OC90: variants seen among roughly 807,000 people sequenced by gnomAD.
The protein encoded by OC90 is otoconin-90.
A neutral mutation model predicts 47.3 loss-of-function variants in OC90; 46 were observed. That is an observed-to-expected ratio of 0.97 (90% CI 0.77 to 1.24). The LOEUF (loss-of-function observed/expected upper bound fraction) is 1.24, where lower values mean the gene tolerates loss of function less well. Among genes scored for constraint, OC90 ranks in the 50% most tolerant of loss-of-function variants. The pLI, the probability that OC90 is intolerant of heterozygous loss-of-function variation, is 0.00. For synonymous variants in OC90, 271 were observed against 219.5 expected, an observed-to-expected ratio of 1.23 and a Z score of -2.07; for missense variants, 688 against 583.9, an observed-to-expected ratio of 1.18 and a Z score of -1.84.
chr8:132,040,583 C>T (rs1220629929), intron 6 of OC90, among the ~76,000 whole-genome samples: 1 of 152,240 alleles, frequency 6.6e-6, no homozygotes, highest in African/African-American at 2.4e-5. Flanking sequence ...ACTACTTCCA[C>T]CTCCACGTCC....
intron 13 of OC90, among the ~76,000 whole-genome samples, chr8:132,025,972 C>T (rs753913695): frequency 6.6e-6 from 1 of 152,178 alleles, no homozygotes; most frequent in African/African-American, 2.4e-5. Flanking sequence ...GCCAGAATTT[C>T]CCTATTCATC....
intron 2 of OC90, among the ~76,000 whole-genome samples, chr8:132,052,388 C>T (rs1303271999): frequency 6.6e-6 from 1 of 152,212 alleles, no homozygotes; most frequent in Non-Finnish European, 1.5e-5. Context: ...CGGCCCACTT[C>T]AGCAGCAATA....
Position 132,033,089 on chromosome 8 carries a change from C to G in OC90, c.809G>C (p.Gly270Ala), listed in dbSNP as rs1389347979. ...ATTTTCAACAGATGACACTGCCAGCCCCAGAGATTTAATGCCAGCAGGGAC... is the reference window on the plus strand; with the variant it reads ...ATTTTCAACAGATGACACTGCCAGCGCCAGAGATTTAATGCCAGCAGGGAC... ...TLVPAGIKSLGLAVSSVENDP... is the reference protein window; with the variant it reads ...TLVPAGIKSLALAVSSVENDP... The change falls in exon 11 of 14, where the codon GGG becomes GCG. Residue 270 changes from glycine to alanine, a missense_variant. By Grantham distance (60) the Gly-to-Ala change is moderately conservative (BLOSUM62 0). Coordinates refer to ENST00000254627, the MANE Select transcript of OC90 (RefSeq NM_001080399.3). 6.2e-7 allele frequency: 1 copy of G among 1,610,336 alleles called. No homozygotes were observed. Among genetic ancestry groups the G allele is most frequent in the Non-Finnish European group, 8.5e-7 (1 of 1,178,428 alleles).
chr8:132,041,650 G>T lies in OC90; in HGVS notation c.219C>A (p.Phe73Leu). ...CATTGACAAACTGGATCAGCACAGG[G>T]AAATTGGTGAAGACAGCCTGCAGCC... Reference protein sequence around the residue: ...FTWLQAVFTNFPVLIQFVNGM... With the variant: ...FTWLQAVFTNLPVLIQFVNGM... Residue 73 changes from phenylalanine to leucine, a missense_variant, in exon 5 of 14, where the codon TTC (phenylalanine) becomes TTA (leucine). Coordinates refer to ENST00000254627, the MANE Select transcript of OC90 (RefSeq NM_001080399.3). The T allele has an allele frequency of 2.6e-6, 4 of 1,536,818 alleles. No homozygotes were observed. In the South Asian group the frequency reaches 4.5e-5, roughly 17 times the overall value.
At chr8:132,053,437 A>G (rs1204484598) in intron 2 of OC90, among the ~76,000 whole-genome samples, 2 of 152,224 alleles carry the variant, frequency 1.3e-5, no homozygotes, top group Non-Finnish European at 2.9e-5. Context: ...CCACACCATC[A>G]AATGGCCAGT....
Position 132,041,595 on chromosome 8 carries a change from G to C in OC90, c.274C>G (p.Arg92Gly). The C allele has an allele frequency of 6.2e-7, 1 of 1,613,300 alleles. No individual in the cohort carries two copies. The highest frequency in any genetic ancestry group is 8.5e-7 in the Non-Finnish European group (1 of 1,179,624). The change falls in exon 5 of 14, where the codon CGA (arginine) becomes GGA (glycine). Residue 92 changes from arginine to glycine, a missense_variant. By Grantham distance (125) the Arg-to-Gly change is moderately radical (BLOSUM62 -2). Transcript: ENST00000254627. ...GMKCVAGLCPRDFEDYGCTCR... is the reference protein window; with the variant it reads ...GMKCVAGLCPGDFEDYGCTCR... ...GTGCAACCATAGTCTTCAAAGTCTC[G>C]GGGGCAGAGACCAGCCACACACTTC...
intron 4 of OC90, among the ~76,000 whole-genome samples, chr8:132,043,600 A>G (rs1563732531): frequency 6.6e-6 from 1 of 152,184 alleles, no homozygotes; most frequent in African/African-American, 2.4e-5. Context: ...ACGGAGCTTA[A>G]GGGCATCAGG....
At chr8:132,053,631 T>C (rs1823245702) in intron 2 of OC90, among the ~76,000 whole-genome samples, 1 of 152,152 alleles carries the variant, frequency 6.6e-6, no homozygotes, top group South Asian at 2.1e-4. Flanking sequence ...TTTCCTCAGG[T>C]CCCTTCTCAG....
At chr8:132,035,712 T>C (rs1822948781) in intron 9 of OC90, among the ~76,000 whole-genome samples, 1 of 152,246 alleles carries the variant, frequency 6.6e-6, no homozygotes, top group Admixed American at 6.5e-5. Flanking sequence ...TGGGGCAGAT[T>C]GTTCTATTCA....
intron 3 of OC90, among the ~76,000 whole-genome samples, 169 bp from the exon 4 acceptor site, chr8:132,044,658 T>TA (rs1363940601): frequency 6.6e-6 from 1 of 152,168 alleles, no homozygotes; most frequent in East Asian, 1.9e-4. Flanking sequence ...GGAAACCTGA[T>TA]AGAGATGAAA....
chr8:132,049,912 T>G (rs559537043), intron 2 of OC90: 1 of 495,758 alleles, frequency 2.0e-6, no homozygotes, highest in South Asian at 1.4e-5. Context: ...TATTTTGAAC[T>G]ATTTGTATAA....
chr8:132,043,112 C>T (rs149412185), intron 4 of OC90, among the ~76,000 whole-genome samples: 7 of 152,264 alleles, frequency 4.6e-5, no homozygotes, highest in African/African-American at 7.2e-5. Context: ...CCAAATGATA[C>T]GGTGATGACA....
At chr8:132,038,744 T>A (rs368859972) in intron 8 of OC90, 46 bp downstream of exon 8, 1 of 1,521,702 alleles carries the variant, frequency 6.6e-7, no homozygotes, top group Non-Finnish European at 9.1e-7. Flanking sequence ...CCCATCAGCA[T>A]CTGGGCCCTT....
At chr8:132,043,035 T>C (rs1292361296) in intron 4 of OC90, among the ~76,000 whole-genome samples, 1 of 152,218 alleles carries the variant, frequency 6.6e-6, no homozygotes, top group Non-Finnish European at 1.5e-5. Flanking sequence ...CAACAGCGGA[T>C]TGGATAAAGA....
At chr8:132,032,313 G>A (rs1219810895) in intron 11 of OC90, among the ~76,000 whole-genome samples, 1 of 152,122 alleles carries the variant, frequency 6.6e-6, no homozygotes. Flanking sequence ...TCCCCTTAAG[G>A]GATGGAGACT....
intron 10 of OC90, among the ~76,000 whole-genome samples, 199 bp downstream of exon 10, chr8:132,034,582 G>C (rs1356068384): frequency 6.6e-6 from 1 of 152,096 alleles, no homozygotes. Context: ...TTTAGATCAG[G>C]GTGTTTGGTG....
intron 4 of OC90, among the ~76,000 whole-genome samples, chr8:132,042,296 C>T (rs1487336522): frequency 6.6e-6 from 1 of 152,080 alleles, no homozygotes; most frequent in African/African-American, 2.4e-5. Flanking sequence ...GTCTTTGATA[C>T]CTGTGTTGAG....
chr8:132,056,364 G>A (rs1823279317), intron 1 of OC90, among the ~76,000 whole-genome samples: 1 of 152,212 alleles, frequency 6.6e-6, no homozygotes, highest in Non-Finnish European at 1.5e-5. Flanking sequence ...CAGAGGAGAA[G>A]ACATTGTAGG....
At chr8:132,025,157 T>C (rs1822737825) in intron 13 of OC90, among the ~76,000 whole-genome samples, 1 of 152,230 alleles carries the variant, frequency 6.6e-6, no homozygotes, top group South Asian at 2.1e-4. Context: ...TGTTTATGTA[T>C]CCATTTTTTA....
Sources: allele counts gnomAD v4.1 joint callset (sites outside exome capture counted in the v4.1 genomes callset), GRCh38; gene constraint gnomAD v4.1.1; transcripts MANE v1.5; gene names NCBI Gene and HGNC (gene_info 2026-07-23, HGNC 2026-07-21).